The following HDAC9 variants were observed in gnomAD, a reference collection of about 807,000 sequenced individuals.
The protein encoded by HDAC9 is MEF-2 interacting transcription repressor (MITR) protein.
In HDAC9, 41 loss-of-function variants were observed where a neutral mutation model predicts 139.4. The ratio of observed to expected loss-of-function variants is 0.29; its 90% confidence interval spans 0.23 to 0.38. The LOEUF is 0.38. Among genes scored for constraint, HDAC9 ranks in the 10% least tolerant of loss-of-function variants. HDAC9 has a pLI of 1.00. For missense variants in HDAC9, 1,147 were observed against 1,297.0 expected, an observed-to-expected ratio of 0.88 and a Z score of 1.78; for synonymous variants, 517 against 476.2, an observed-to-expected ratio of 1.09 and a Z score of -1.12.
intron 12 of HDAC9, chr7:18,668,625 A>C (rs1186616730): frequency 6.1e-6 from 6 of 983,546 alleles, no homozygotes; most frequent in Non-Finnish European, 7.2e-6. Flanking sequence ...TTTGAATTTA[A>C]TCAAGAAACT....
At chr7:18,567,705 A>G (rs1344620487) in intron 2 of HDAC9, among the ~76,000 whole-genome samples, 2 of 152,164 alleles carry the variant, frequency 1.3e-5, no homozygotes, top group South Asian at 2.1e-4. Context: ...TTTTTAAACA[A>G]TACCTAACTA....
At chr7:18,838,755 G>A (rs1449694239) in intron 21 of HDAC9, among the ~76,000 whole-genome samples, 1 of 151,834 alleles carries the variant, frequency 6.6e-6, no homozygotes, top group South Asian at 2.1e-4. Context: ...AAGAGTAAAT[G>A]GTGCCTTTTC....
intron 1 of HDAC9, among the ~76,000 whole-genome samples, chr7:18,116,863 A>C (rs1299177229): frequency 6.6e-6 from 1 of 152,172 alleles, no homozygotes; most frequent in Non-Finnish European, 1.5e-5. Context: ...AGACTAAATA[A>C]ATGTGCTAAA....
intron 17 of HDAC9, among the ~76,000 whole-genome samples, chr7:18,817,003 T>A (rs1794608907): frequency 6.6e-6 from 1 of 151,260 alleles, no homozygotes; most frequent in Admixed American, 6.6e-5. Context: ...TTCTTATAAA[T>A]AAACGACTTA....
At chr7:18,312,541 A>G (rs1205275316) in intron 1 of HDAC9, among the ~76,000 whole-genome samples, 10 of 152,174 alleles carry the variant, frequency 6.6e-5, no homozygotes, top group Non-Finnish European at 1.5e-5. Context: ...ATCCTCTGTT[A>G]GAAGACATTA....
rs374847564 is a variant in HDAC9 at position 18,432,460 on chromosome 7, TTAAA to T, written c.-41-63797_-41-63794del. On this transcript the variant is annotated intron_variant, in intron 1 of 3. Coordinates refer to the HDAC9 transcript ENST00000413509. ...TGTTGAATTAATGAATGGAGAAACA[TTAAA>T]TAAAAATGGACATAGATTTCTCATC... Among the ~76,000 whole-genome samples the T allele has an allele frequency of 2.0e-3, 300 of 152,300 alleles. 2 individuals are homozygous for T. Among genetic ancestry groups the T allele is most frequent in the African/African-American group, 5.9e-3 (246 of 41,566 alleles).
intron 22 of HDAC9, among the ~76,000 whole-genome samples, chr7:18,883,766 CATG>C (rs970919658): frequency 1.3e-5 from 2 of 151,864 alleles, no homozygotes; most frequent in African/African-American, 4.8e-5. Context: ...TTCCAAATGA[CATG>C]ATTTTATATA....
chr7:18,799,094 CAG>C (rs1793074068), intron 17 of HDAC9, among the ~76,000 whole-genome samples: 1 of 148,144 alleles, frequency 6.8e-6, no homozygotes, highest in Non-Finnish European at 1.5e-5. Flanking sequence ...CACACACACA[CAG>C]AGCCCCTCGG....
At chr7:18,165,018 A>G (rs1562695861) in intron 2 of HDAC9, among the ~76,000 whole-genome samples, 1 of 152,208 alleles carries the variant, frequency 6.6e-6, no homozygotes, top group African/African-American at 2.4e-5. Context: ...CATGGGAGAG[A>G]CAAATAGTAA....
At chr7:18,708,343 G>T (rs1468145750) in intron 12 of HDAC9, among the ~76,000 whole-genome samples, 1 of 152,158 alleles carries the variant, frequency 6.6e-6, no homozygotes, top group Admixed American at 6.5e-5. Flanking sequence ...GCCTTGAAAG[G>T]CCAGCTGAGG....
At chr7:18,186,357 T>G (rs1401984422) in intron 2 of HDAC9, among the ~76,000 whole-genome samples, 1 of 152,256 alleles carries the variant, frequency 6.6e-6, no homozygotes, top group Non-Finnish European at 1.5e-5. Context: ...CAGGTTTTTC[T>G]GTTGAAGCTA....
At chr7:18,403,513 T>A (rs1787735317) in intron 1 of HDAC9, among the ~76,000 whole-genome samples, 1 of 152,238 alleles carries the variant, frequency 6.6e-6, no homozygotes, top group Non-Finnish European at 1.5e-5. Flanking sequence ...TGTATTTGGT[T>A]GTAGCATCAG....
intron 1 of HDAC9, among the ~76,000 whole-genome samples, chr7:18,450,635 T>C (rs951092057): frequency 1.3e-5 from 2 of 152,228 alleles, no homozygotes; most frequent in African/African-American, 4.8e-5. Flanking sequence ...AATAAATTAT[T>C]TCCTATTTCA....
intron 3 of HDAC9, among the ~76,000 whole-genome samples, chr7:18,588,872 T>G (rs1830159972): frequency 6.6e-6 from 1 of 152,226 alleles, no homozygotes; most frequent in Non-Finnish European, 1.5e-5. Context: ...TCTCCACTTG[T>G]GGCATCATGT....
intron 6 of HDAC9, among the ~76,000 whole-genome samples, chr7:18,625,018 A>T (rs987958505): frequency 6.6e-5 from 10 of 151,942 alleles, no homozygotes; most frequent in African/African-American, 2.4e-4. Flanking sequence ...TATGTCAGAG[A>T]TTCCTTATTT....
At chr7:18,871,424 T>C in intron 21 of HDAC9, among the ~76,000 whole-genome samples, 1 of 152,188 alleles carries the variant, frequency 6.6e-6, no homozygotes, top group East Asian at 1.9e-4. Flanking sequence ...TTAACTCTGC[T>C]CCTTGTCACT....
At chr7:18,641,719 T>G (rs1392941695) in intron 8 of HDAC9, among the ~76,000 whole-genome samples, 1 of 152,078 alleles carries the variant, frequency 6.6e-6, no homozygotes, top group Non-Finnish European at 1.5e-5. Flanking sequence ...AAATCTTGGC[T>G]TTGTCTGAAA....
Position 18,527,465 on chromosome 7 carries a change from G to T in HDAC9, c.22+31141G>T, listed in dbSNP as rs1807329092. 1.3e-5 allele frequency among the ~76,000 whole-genome samples: 2 copies of T among 152,074 alleles called. 1 individual carries two copies. Among genetic ancestry groups the T allele is most frequent in the South Asian group, 4.1e-4 (2 of 4,820 alleles). ...TGGGTAATATCTCAGAATTAGATTT[G>T]AAAGTCACTGAACGATATGTTGTGG... On this transcript the variant is annotated intron_variant, in intron 2 of 25. Coordinates refer to ENST00000686413, the MANE Select transcript of HDAC9 (RefSeq NM_178425.4).
At chr7:18,592,227 ATAGTT>A (rs1363664989) in intron 5 of HDAC9, among the ~76,000 whole-genome samples, 2 of 152,092 alleles carry the variant, frequency 1.3e-5, no homozygotes, top group African/African-American at 4.8e-5. Context: ...TCTTCAGTGA[ATAGTT>A]TACCCCTGCC....
Sources: allele counts gnomAD v4.1 joint callset (sites outside exome capture counted in the v4.1 genomes callset), GRCh38; gene constraint gnomAD v4.1.1; transcripts MANE v1.5; gene names NCBI Gene and HGNC (gene_info 2026-07-23, HGNC 2026-07-21).